Variants in RNF169 observed in about 807,000 individuals in gnomAD.
RNF169 encodes E3 ubiquitin-protein ligase RNF169.
A neutral mutation model predicts 53.9 loss-of-function variants in RNF169; 24 were observed. That is an observed-to-expected ratio of 0.45 (90% CI 0.32 to 0.63). The LOEUF (loss-of-function observed/expected upper bound fraction) is 0.63. Ranked by LOEUF, RNF169 falls within the 20% of genes least tolerant of loss-of-function variation. The pLI, the probability that RNF169 is intolerant of heterozygous loss-of-function variation, is 0.04. For synonymous variants in RNF169, 396 were observed against 363.5 expected, an observed-to-expected ratio of 1.09 and a Z score of -1.02; for missense variants, 883 against 906.2, an observed-to-expected ratio of 0.97 and a Z score of 0.33.
chr11:74,753,258 C>T lies in RNF169; in HGVS notation c.502+3876C>T, dbSNP rs1238631643. On this transcript the variant is annotated intron_variant, in intron 1 of 5. Coordinates refer to ENST00000299563, the MANE Select transcript of RNF169 (RefSeq NM_001098638.2). ...GCTGGGATTACAGGCGGTGAGCCACCGCGCCCAGCCTTGAACCATTGTTTT... is the reference window on the plus strand; with the variant it reads ...GCTGGGATTACAGGCGGTGAGCCACTGCGCCCAGCCTTGAACCATTGTTTT... 1.1e-4 allele frequency among the ~76,000 whole-genome samples: 17 copies of T among 152,276 alleles called. No homozygotes were observed. In the East Asian group the frequency reaches 1.7e-3, roughly 16 times the overall value.
intron 1 of RNF169, among the ~76,000 whole-genome samples, chr11:74,784,376 T>C (rs1000445228): frequency 6.6e-6 from 1 of 151,996 alleles, no homozygotes; most frequent in Non-Finnish European, 1.5e-5. Flanking sequence ...ACTGATTTGC[T>C]AGGGGGACTT....
chr11:74,749,320 G>GGGGCGCGGCTGCCGC lies in RNF169; in HGVS notation c.444_458dup (p.Ala149_Gly153dup). The GGGGCGCGGCTGCCGC allele has an allele frequency of 1.7e-6, 2 of 1,196,574 alleles. No homozygotes were observed. Among genetic ancestry groups the GGGGCGCGGCTGCCGC allele is most frequent in the Non-Finnish European group, 2.1e-6 (2 of 966,326 alleles). The allele number at this position is 1,196,574 out of a possible 1,614,324, so 74.1% of individuals were successfully genotyped here. A position where few individuals can be genotyped will look rare whatever the true frequency, so the allele number is the denominator to read the frequency against. ...GAGCGCTGCCGCCCGCGCCGGGACGGGGGCGCGGCTGCCGCGGGGCCCAGG... is the reference window on the plus strand; with the variant it reads ...GAGCGCTGCCGCCCGCGCCGGGACGGGGGCGCGGCTGCCGCGGGCGCGGCTGCCGCGGGGCCCAGG... On this transcript the variant is annotated inframe_insertion, in exon 1 of 6. Transcript: ENST00000299563.
intron 1 of RNF169, among the ~76,000 whole-genome samples, chr11:74,783,653 T>C (rs2135069707): frequency 6.6e-6 from 1 of 152,194 alleles, no homozygotes; most frequent in Non-Finnish European, 1.5e-5. Context: ...TCCTCTGGAC[T>C]GAGGAAGATG....
chr11:74,796,276 A>G (rs2035647965), intron 2 of RNF169, among the ~76,000 whole-genome samples: 1 of 152,176 alleles, frequency 6.6e-6, no homozygotes, highest in African/African-American at 2.4e-5. Context: ...ATGGAAGGAG[A>G]GTATTAACAC....
chr11:74,802,400 C>A (rs1157316842), intron 2 of RNF169, among the ~76,000 whole-genome samples: 1 of 152,170 alleles, frequency 6.6e-6, no homozygotes, highest in African/African-American at 2.4e-5. Flanking sequence ...AATTCCAGCA[C>A]TTTGGGAGGC....
chr11:74,821,468 C>T (rs1019218814), intron 4 of RNF169, among the ~76,000 whole-genome samples: 1 of 77,980 alleles, frequency 1.3e-5, no homozygotes, highest in Non-Finnish European at 2.2e-5. Context: ...ACCATCCCGG[C>T]TAAAATGGTG....
intron 3 of RNF169, among the ~76,000 whole-genome samples, chr11:74,815,333 A>C (rs1007474971): frequency 2.6e-5 from 4 of 152,190 alleles, no homozygotes; most frequent in Non-Finnish European, 5.9e-5. Flanking sequence ...AGGCGGGCAG[A>C]TCACTTGAGG....
chr11:74,804,740 CTG>C, intron 2 of RNF169, among the ~76,000 whole-genome samples: 1 of 152,214 alleles, frequency 6.6e-6, no homozygotes, highest in Non-Finnish European at 1.5e-5. Flanking sequence ...TGTGGTAAAA[CTG>C]TTTTATTATA....
At chr11:74,787,849 T>C (rs904608458) in intron 1 of RNF169, among the ~76,000 whole-genome samples, 2 of 152,238 alleles carry the variant, frequency 1.3e-5, no homozygotes, top group Non-Finnish European at 2.9e-5. Context: ...ATGCAAGATA[T>C]TCATTACAGC....
intron 1 of RNF169, among the ~76,000 whole-genome samples, chr11:74,774,910 C>G (rs531544186): frequency 6.6e-6 from 1 of 152,224 alleles, no homozygotes; most frequent in East Asian, 1.9e-4. Context: ...AGTGAGCCGA[C>G]AGAGGGAGAC....
chr11:74,803,510 C>T (rs970920372), intron 2 of RNF169, among the ~76,000 whole-genome samples: 1 of 152,156 alleles, frequency 6.6e-6, no homozygotes, highest in East Asian at 1.9e-4. Context: ...AGTCTACATT[C>T]CAAGGATGGC....
At position 74,836,595 on chromosome 11, in the gene RNF169, G is replaced by A; in HGVS notation, c.1992G>A (p.Gln664=). ...TGCGAGAGATGGAGCAGAAGCTTCA[G>A]CAAGAGGAAGAAGACCGACAGTTGG... ...PVLREMEQKL[Q]QEEEDRQLAL... is the part of the protein sequence containing the mutation. The change falls in exon 6 of 6, where the codon CAG becomes CAA. Residue 664 remains glutamine, a synonymous_variant. Coordinates refer to ENST00000299563, the MANE Select transcript of RNF169 (RefSeq NM_001098638.2). The A allele has an allele frequency of 1.2e-6, 2 of 1,614,142 alleles. No homozygotes were observed. Among genetic ancestry groups the A allele is most frequent in the Non-Finnish European group, 1.7e-6 (2 of 1,180,044 alleles).
intron 1 of RNF169, among the ~76,000 whole-genome samples, chr11:74,771,271 G>A (rs1037683785): frequency 2.0e-5 from 3 of 152,070 alleles, no homozygotes; most frequent in African/African-American, 4.8e-5. Flanking sequence ...GTCTACTACC[G>A]ATTGAACATC....
At chr11:74,753,602 A>T (rs890690287) in intron 1 of RNF169, among the ~76,000 whole-genome samples, 1 of 152,206 alleles carries the variant, frequency 6.6e-6, no homozygotes, top group Non-Finnish European at 1.5e-5. Flanking sequence ...TAATATTCAG[A>T]GATATATTGC....
At chr11:74,765,546 A>G (rs1361522988) in intron 1 of RNF169, among the ~76,000 whole-genome samples, 1 of 152,222 alleles carries the variant, frequency 6.6e-6, no homozygotes, top group African/African-American at 2.4e-5. Flanking sequence ...CACGCCTGCA[A>G]TCCCAGCACT....
chr11:74,813,330 A>G (rs1280785446), intron 3 of RNF169, among the ~76,000 whole-genome samples: 1 of 152,234 alleles, frequency 6.6e-6, no homozygotes, highest in African/African-American at 2.4e-5. Flanking sequence ...GAATGGAAGG[A>G]GGAAGGAGCT....
chr11:74,831,173 A>C (rs572229289), intron 4 of RNF169: 4 of 152,228 alleles, frequency 2.6e-5, no homozygotes, highest in Non-Finnish European at 5.9e-5. Context: ...AGAAAAATAA[A>C]AGGCATCCAG....
Position 74,833,048 on chromosome 11 carries a change from G to A in RNF169, c.843-1628G>A, listed in dbSNP as rs1205388732. On this transcript the variant is annotated intron_variant, in intron 4 of 5. Transcript: ENST00000299563. The stretch of plus-strand genomic sequence containing the variant: ...ATTTGGGTTAAATGTTGAGTTTCTT[G>A]GTAAAGTGCAAGCACGTGATACAGG... Among the ~76,000 whole-genome samples the A allele has an allele frequency of 2.0e-5, 3 of 152,128 alleles. No individual in the cohort carries two copies. In the East Asian group the frequency reaches 5.8e-4, roughly 29 times the overall value.
intron 2 of RNF169, among the ~76,000 whole-genome samples, chr11:74,806,569 G>A (rs118018878): frequency 0.013 from 2,006 of 152,240 alleles, 15 homozygotes; most frequent in Non-Finnish European, 0.022. Flanking sequence ...TCAACAATAG[G>A]ATGGTTAAAT....
Sources: allele counts gnomAD v4.1 joint callset (sites outside exome capture counted in the v4.1 genomes callset), GRCh38; gene constraint gnomAD v4.1.1; transcripts MANE v1.5; gene names NCBI Gene and HGNC (gene_info 2026-07-23, HGNC 2026-07-21).